FRMD4A: variants seen among roughly 807,000 people sequenced by gnomAD.
FRMD4A encodes FERM domain containing 4A.
In FRMD4A, 29 loss-of-function variants were observed where a neutral mutation model predicts 129.1. The ratio of observed to expected loss-of-function variants is 0.22; its 90% CI spans 0.17 to 0.31. FRMD4A has a LOEUF of 0.31. FRMD4A is among the 10% of genes least tolerant of loss of function. FRMD4A has a pLI of 1.00. For missense variants in FRMD4A, 1,272 were observed against 1,375.8 expected (o/e 0.92, Z 1.19); for synonymous variants, 634 against 571.6 (o/e 1.11, Z -1.56).
chr10:14,139,626 G>A lies in FRMD4A; in HGVS notation c.45+190432C>T, dbSNP rs1313358816. ...CACCACACTGGGCTAATTTTTTTGTGATTTGTAGAGATGGGGTCTTGCCAT... is the reference window on the plus strand; with the variant it reads ...CACCACACTGGGCTAATTTTTTTGTAATTTGTAGAGATGGGGTCTTGCCAT... On this transcript the variant is annotated intron_variant, in intron 2 of 24. Transcript: ENST00000357447. Among the ~76,000 whole-genome samples the A allele has an allele frequency of 2.6e-5, 4 of 151,576 alleles. No homozygotes were observed. In the South Asian group the frequency reaches 8.4e-4, roughly 32 times the overall value.
In FRMD4A at chr10:13,753,571, G is replaced by T. The variant is rs865805756; in HGVS notation, c.465-5752C>A. On this transcript the variant is annotated intron_variant, in intron 8 of 24. Coordinates refer to ENST00000357447, the MANE Select transcript of FRMD4A (RefSeq NM_018027.5). ...TTTTTTTTTTTTTTTTTGAGACAGG[G>T]TCTCGCTTTGTTGCCCAGGCTAGAG... is the stretch of plus-strand genomic sequence containing the variant. Among the ~76,000 whole-genome samples the T allele has an allele frequency of 3.6e-5, 5 of 139,066 alleles. 1 individual carries two copies. The Middle Eastern group carries it at 0.012, about 331-fold the overall frequency. The allele number at this position is 139,066 out of a possible 152,430, so 91.2% of individuals were successfully genotyped here.
chr10:14,120,260 T>C (rs1838429560), intron 2 of FRMD4A, among the ~76,000 whole-genome samples: 1 of 151,958 alleles, frequency 6.6e-6, no homozygotes, highest in Non-Finnish European at 1.5e-5. Flanking sequence ...TTTTCTGAAG[T>C]CTTGAGCCTT....
chr10:13,667,075 C>G (rs1429892492), intron 17 of FRMD4A, among the ~76,000 whole-genome samples: 2 of 152,232 alleles, frequency 1.3e-5, no homozygotes, highest in Middle Eastern at 3.4e-3. Flanking sequence ...CCACACCTTG[C>G]TAACTTTTGT....
intron 6 of FRMD4A, among the ~76,000 whole-genome samples, chr10:13,765,365 C>T (rs1205337266): frequency 1.3e-5 from 2 of 152,098 alleles, no homozygotes; most frequent in Admixed American, 6.5e-5. Context: ...GATCCACCCA[C>T]CTCGGCCTCC....
intron 5 of FRMD4A, among the ~76,000 whole-genome samples, chr10:13,792,138 T>C (rs563837799): frequency 6.6e-6 from 1 of 151,860 alleles, no homozygotes; most frequent in East Asian, 2.0e-4. Flanking sequence ...AGGGGAGCTC[T>C]GGGTTGGGTA....
intron 24 of FRMD4A, among the ~76,000 whole-genome samples, chr10:13,649,888 C>CA (rs2134405120): frequency 6.6e-6 from 1 of 152,334 alleles, no homozygotes; most frequent in South Asian, 2.1e-4. Context: ...AAACCTAAGT[C>CA]AGTCATTCAC....
intron 2 of FRMD4A, chr10:13,891,576 C>T (rs1189751201): frequency 1.0e-6 from 1 of 983,918 alleles, no homozygotes; most frequent in Non-Finnish European, 1.2e-6. Context: ...GAAGGGCTGC[C>T]GTCAGTCGCC....
chr10:14,026,218 T>C (rs1367106718), intron 2 of FRMD4A, among the ~76,000 whole-genome samples: 1 of 152,214 alleles, frequency 6.6e-6, no homozygotes, highest in Non-Finnish European at 1.5e-5. Flanking sequence ...ATCAGAGCTC[T>C]CTCGGGTATG....
intron 2 of FRMD4A, among the ~76,000 whole-genome samples, chr10:13,981,381 G>T (rs933462574): frequency 6.6e-6 from 1 of 152,180 alleles, no homozygotes; most frequent in Admixed American, 6.5e-5. Flanking sequence ...CAGGAGGCCA[G>T]AAACTAGGTA....
chr10:14,250,414 C>T (rs761010601), intron 2 of FRMD4A, among the ~76,000 whole-genome samples: 1 of 152,170 alleles, frequency 6.6e-6, no homozygotes, highest in Non-Finnish European at 1.5e-5. Context: ...TAAGCTGTTG[C>T]CTCCTCTACT....
chr10:14,275,169 T>A (rs1845294411), intron 2 of FRMD4A, among the ~76,000 whole-genome samples: 1 of 152,200 alleles, frequency 6.6e-6, no homozygotes, highest in South Asian at 2.1e-4. Flanking sequence ...CCACTCCAGA[T>A]TCATGGAGAC....
chr10:13,680,447 G>A (rs1351955242), intron 15 of FRMD4A, among the ~76,000 whole-genome samples: 1 of 152,082 alleles, frequency 6.6e-6, no homozygotes, highest in African/African-American at 2.4e-5. Flanking sequence ...AAAAAAAAGG[G>A]CTGGGTGTCG....
chr10:13,862,463 A>G (rs2094307857), intron 2 of FRMD4A, among the ~76,000 whole-genome samples: 1 of 152,232 alleles, frequency 6.6e-6, no homozygotes. Flanking sequence ...ACATAAAACA[A>G]TCTCACCTTA....
intron 8 of FRMD4A, among the ~76,000 whole-genome samples, chr10:13,758,797 G>A (rs918654461): frequency 6.6e-6 from 1 of 151,970 alleles, no homozygotes; most frequent in African/African-American, 2.4e-5. Flanking sequence ...GTTGAACTAA[G>A]GAGCAAAAAA....
intron 6 of FRMD4A, among the ~76,000 whole-genome samples, chr10:13,763,352 T>C (rs1412995889): frequency 6.6e-6 from 1 of 152,236 alleles, no homozygotes; most frequent in African/African-American, 2.4e-5. Context: ...AGGCTGTTTT[T>C]TGAAAGGAAT....
At chr10:13,851,138 C>T (rs183038407) in intron 3 of FRMD4A, among the ~76,000 whole-genome samples, 1 of 152,254 alleles carries the variant, frequency 6.6e-6, no homozygotes, top group Admixed American at 6.5e-5. Flanking sequence ...CACTTGAACC[C>T]GGGAGGCAGA....
At chr10:14,128,883 C>A (rs996446108) in intron 2 of FRMD4A, among the ~76,000 whole-genome samples, 1 of 152,066 alleles carries the variant, frequency 6.6e-6, no homozygotes, top group African/African-American at 2.4e-5. Context: ...GACAGTCAGA[C>A]GAAGTAAAGA....
intron 2 of FRMD4A, among the ~76,000 whole-genome samples, chr10:14,027,958 C>A (rs1244377601): frequency 6.6e-6 from 1 of 151,948 alleles, no homozygotes; most frequent in African/African-American, 2.4e-5. Context: ...TAACTGGGTA[C>A]CAGGGAGGAA....
At chr10:14,240,084 A>G (rs536552254) in intron 2 of FRMD4A, among the ~76,000 whole-genome samples, 1 of 152,278 alleles carries the variant, frequency 6.6e-6, no homozygotes, top group African/African-American at 2.4e-5. Context: ...AATAGAGTCT[A>G]CTATGTTGAT....
Sources: allele counts gnomAD v4.1 joint callset (sites outside exome capture counted in the v4.1 genomes callset), GRCh38; gene constraint gnomAD v4.1.1; transcripts MANE v1.5; gene names NCBI Gene and HGNC (gene_info 2026-07-23, HGNC 2026-07-21).